MINDY2: variants seen among roughly 807,000 people sequenced by gnomAD.
MINDY2 encodes the protein MINDY lysine 48 deubiquitinase 2, also known as ubiquitin carboxyl-terminal hydrolase MINDY-2.
Under a neutral mutation model 68.2 loss-of-function variants are expected in MINDY2, and 52 were observed. That is an observed-to-expected ratio of 0.76 (90% confidence interval 0.61 to 0.96). The LOEUF (loss-of-function observed/expected upper bound fraction) is 0.96. Ranked by LOEUF, MINDY2 falls within the 40% of genes least tolerant of loss-of-function variation. The pLI is 0.00. For synonymous variants in MINDY2, 372 were observed against 303.0 expected (o/e 1.23, Z -2.36); for missense variants, 881 against 773.4 (o/e 1.14, Z -1.65).
intron 6 of MINDY2, 64 bp downstream of exon 6, chr15:58,831,980 CTT>C: frequency 7.0e-7 from 1 of 1,418,456 alleles, no homozygotes; most frequent in Non-Finnish European, 9.5e-7. Context: ...TTAGAGTTGT[CTT>C]TTGATCTGCT....
At position 58,807,028 on chromosome 15, in the gene MINDY2, G is replaced by A. The variant is rs191841840; in HGVS notation, c.964-3202G>A. On this transcript the variant is annotated intron_variant, in intron 3 of 8. Transcript: ENST00000559228. ...ACAGTCTGTACAGTCTGTTAGAATG[G>A]AATTTTATGAATTATTTCATAAAAC... Among the ~76,000 whole-genome samples the A allele has an allele frequency of 5.9e-3, 904 of 152,178 alleles. 15 individuals carry two copies. Among genetic ancestry groups the A allele is most frequent in the African/African-American group, 0.021 (875 of 41,526 alleles).
intron 6 of MINDY2, among the ~76,000 whole-genome samples, chr15:58,837,648 ACCCTGATTTTGAGGGACATCTTATG>A (rs2032061081): frequency 6.6e-6 from 1 of 151,920 alleles, no homozygotes; most frequent in South Asian, 2.1e-4. Flanking sequence ...CTTTTGAGAA[ACCCTGATTTTGAGGGACATCTTATG>A]CATTCATATT....
chr15:58,789,032 T>G (rs1286196754), intron 2 of MINDY2, among the ~76,000 whole-genome samples: 1 of 149,910 alleles, frequency 6.7e-6, no homozygotes, highest in Non-Finnish European at 1.5e-5. Context: ...ACATATTTTA[T>G]TTTTAAAAAA....
chr15:58,806,760 G>T (rs1216672749), intron 3 of MINDY2, among the ~76,000 whole-genome samples: 1 of 152,072 alleles, frequency 6.6e-6, no homozygotes, highest in Non-Finnish European at 1.5e-5. Flanking sequence ...GCTCACTGTT[G>T]TTACTATTTT....
Position 58,787,140 on chromosome 15 carries a change from C to CTTTTTTTTTTTT in MINDY2, c.841-753_841-742dup, listed in dbSNP as rs58374538. ...CCCATATGCCCAGCCCATTTCTTTA[C>CTTTTTTTTTTTT]TTTTTTTTTTTTTTTTTTTTTTTTA... On this transcript the variant is annotated intron_variant, in intron 1 of 8. Transcript: ENST00000559228. Among the ~76,000 whole-genome samples, 30 of 78,138 alleles carry CTTTTTTTTTTTT rather than the reference C, an allele frequency of 3.8e-4. 1 individual carries two copies. Among genetic ancestry groups the CTTTTTTTTTTTT allele is most frequent in the East Asian group, 1.1e-3 (3 of 2,640 alleles). 51.3% of individuals were successfully genotyped at this position (78,138 alleles called of 152,430 possible).
intron 6 of MINDY2, among the ~76,000 whole-genome samples, chr15:58,842,965 G>C (rs1281569587): frequency 6.6e-6 from 1 of 152,128 alleles, no homozygotes; most frequent in East Asian, 1.9e-4. Context: ...GGATAAGAAA[G>C]TGCTTTTTTG....
At chr15:58,783,145 T>C (rs899716653) in intron 1 of MINDY2, among the ~76,000 whole-genome samples, 2 of 151,986 alleles carry the variant, frequency 1.3e-5, no homozygotes, top group African/African-American at 4.8e-5. Context: ...GGTCTTGAAC[T>C]CCTAACCTCA....
chr15:58,787,517 C>T (rs1901586964), intron 1 of MINDY2, among the ~76,000 whole-genome samples: 1 of 151,908 alleles, frequency 6.6e-6, no homozygotes. Context: ...GCAGGTGGAT[C>T]AGAAGGTTAG....
intron 2 of MINDY2, among the ~76,000 whole-genome samples, chr15:58,801,840 ACTC>A (rs1226330867): frequency 6.6e-6 from 1 of 151,792 alleles, no homozygotes; most frequent in East Asian, 1.9e-4. Context: ...GCCAGGCTGA[ACTC>A]CTGACCTCAG....
intron 2 of MINDY2, 80 bp downstream of exon 2, chr15:58,788,043 C>T: frequency 3.3e-6 from 3 of 907,462 alleles, no homozygotes; most frequent in Non-Finnish European, 5.1e-6. Flanking sequence ...TCTCACCTTT[C>T]TGAAGTGCTA....
chr15:58,822,127 G>T (rs1464014443), intron 5 of MINDY2, among the ~76,000 whole-genome samples: 3 of 152,002 alleles, frequency 2.0e-5, no homozygotes, highest in Non-Finnish European at 4.4e-5. Flanking sequence ...GGTGTTGCAT[G>T]CCTGTAATCC....
rs760749070 is a variant in MINDY2, at chr15:58,821,790, A to G, written c.1196A>G (p.Gln399Arg). The change falls in exon 5 of 9, where the codon CAG (glutamine) becomes CGG (arginine). Residue 399 changes from glutamine (Q) to arginine (R), a missense_variant. Gln to Arg is a conservative substitution (Grantham distance 43, BLOSUM62 1). Transcript: ENST00000559228. Reference protein sequence around the residue: ...QLVEKIISCKQSDNSELVSEG... With the variant: ...QLVEKIISCKRSDNSELVSEG... ...GTGGAGAAGATCATCTCTTGTAAAC[A>G]GTCAGACAATAGTGAGCTGGTTAGT... The G allele has an allele frequency of 1.3e-6, 2 of 1,592,334 alleles. No individual in the cohort carries two copies. The highest frequency in any genetic ancestry group is 4.6e-5 in the East Asian group (2 of 43,216).
chr15:58,810,152 A>C, intron 3 of MINDY2, 78 bp from the exon 4 acceptor site: 2 of 1,255,898 alleles, frequency 1.6e-6, no homozygotes, highest in South Asian at 3.0e-5. Flanking sequence ...TTAAAAGTAA[A>C]TGTGCTTGTA....
chr15:58,805,424 A>G (rs534139590), intron 3 of MINDY2, among the ~76,000 whole-genome samples: 6 of 152,176 alleles, frequency 3.9e-5, no homozygotes, highest in African/African-American at 1.4e-4. Flanking sequence ...CAAAGAGCCT[A>G]TTTTTTCCAG....
chr15:58,835,759 T>C (rs936781242), intron 6 of MINDY2, among the ~76,000 whole-genome samples: 1 of 152,144 alleles, frequency 6.6e-6, no homozygotes, highest in Non-Finnish European at 1.5e-5. Context: ...ATAGAACATG[T>C]ATGCAAAGGC....
intron 7 of MINDY2, among the ~76,000 whole-genome samples, chr15:58,849,821 A>G (rs1342984078): frequency 2.0e-5 from 3 of 152,020 alleles, no homozygotes; most frequent in African/African-American, 7.3e-5. Context: ...GGCTCACTGC[A>G]ACCTCCACCT....
In MINDY2 at chr15:58,861,740, T is replaced by C. The variant is rs1409147375; in HGVS notation, c.*7130T>C. On this transcript the variant is annotated 3_prime_UTR_variant, in exon 9 of 9. Coordinates refer to ENST00000559228, the MANE Select transcript of MINDY2 (RefSeq NM_001040450.3). ...TTATTCAGTATTATTCAACATTTACTTTCATGTTTGTTATTGTACCACAAA... is the reference window on the plus strand; with the variant it reads ...TTATTCAGTATTATTCAACATTTACCTTCATGTTTGTTATTGTACCACAAA... The C allele has an allele frequency of 6.6e-6, 1 of 152,232 alleles. No homozygotes were observed. The highest frequency in any genetic ancestry group is 2.4e-5 in the African/African-American group (1 of 41,454). 9.4% of individuals were successfully genotyped at this position (152,232 alleles called of 1,614,324 possible).
intron 7 of MINDY2, among the ~76,000 whole-genome samples, chr15:58,850,013 AGGC>A (rs2032738222): frequency 6.6e-6 from 1 of 152,210 alleles, no homozygotes; most frequent in African/African-American, 2.4e-5. Context: ...CTGGGATTAC[AGGC>A]GTGAGCCACT....
intron 1 of MINDY2, among the ~76,000 whole-genome samples, chr15:58,774,468 G>C (rs1900648669): frequency 1.5e-5 from 2 of 132,108 alleles, no homozygotes; most frequent in Non-Finnish European, 3.1e-5. Context: ...TGGGCAACAA[G>C]AGTGAAACCC....
Sources: allele counts gnomAD v4.1 joint callset (sites outside exome capture counted in the v4.1 genomes callset), GRCh38; gene constraint gnomAD v4.1.1; transcripts MANE v1.5; gene names NCBI Gene and HGNC (gene_info 2026-07-23, HGNC 2026-07-21).